The following DCDC2C variants were observed in gnomAD, a reference collection of about 807,000 sequenced individuals.
DCDC2C encodes the protein doublecortin domain-containing protein 2C.
In DCDC2C, 44 loss-of-function variants were observed where a neutral mutation model predicts 45.0. That is an observed-to-expected ratio of 0.98 (90% CI 0.77 to 1.26). The LOEUF (loss-of-function observed/expected upper bound fraction) is 1.26, where lower values mean the gene tolerates loss of function less well. Among genes scored for constraint, DCDC2C ranks in the 50% most tolerant of loss-of-function variants. The pLI, the probability that DCDC2C is intolerant of heterozygous loss-of-function variation, is 0.00. For missense variants in DCDC2C, 447 were observed against 468.9 expected (o/e 0.95, Z 0.43); for synonymous variants, 187 against 178.8 (o/e 1.05, Z -0.37).
chr2:3,840,319 T>C (rs1672181962), intron 10 of DCDC2C, among the ~76,000 whole-genome samples: 1 of 152,196 alleles, frequency 6.6e-6, no homozygotes, highest in Non-Finnish European at 1.5e-5. Context: ...CTAAATCTCA[T>C]ATAGAGCAGA....
In DCDC2C at chr2:3,831,200, AGTT is replaced by A. The variant is rs549400201; in HGVS notation, c.1066-15951_1066-15949del. ...GCCCTCTTCCAAATGATCCTAAAGA[AGTT>A]GTCACTGGATGCATTAAAATTGCCA... is the stretch of plus-strand genomic sequence containing the variant. On this transcript the variant is annotated intron_variant, in intron 10 of 10. Transcript: ENST00000399143. Among the ~76,000 whole-genome samples, 6 of 152,262 alleles carry A rather than the reference AGTT, an allele frequency of 3.9e-5. No individual in the cohort carries two copies. The South Asian group carries it at 1.2e-3, about 32-fold the overall frequency.
At chr2:3,825,095 C>T (rs568531193) in intron 10 of DCDC2C, among the ~76,000 whole-genome samples, 18 of 152,276 alleles carry the variant, frequency 1.2e-4, no homozygotes, top group Admixed American at 9.8e-4. Flanking sequence ...AGGTTTCCTG[C>T]GGCAGTGGGC....
Position 3,769,378 on chromosome 2 carries a change from G to A in DCDC2C, c.921G>A (p.Glu307=). ...ETQGALDVKE[E]HNVQLEVPVD... ...AAGGGGCGCTGGACGTCAAAGAGGA[G>A]CACAATGTGCAGCTGGAGGTGCCTG... is the stretch of plus-strand genomic sequence containing the variant. Residue 307 remains glutamate, a synonymous_variant, in exon 8 of 11, where the codon GAG becomes GAA. Transcript: ENST00000399143. 1 of 1,550,542 alleles carries A rather than the reference G, an allele frequency of 6.4e-7. No individual in the cohort carries two copies. The highest frequency in any genetic ancestry group is 1.2e-5 in the South Asian group (1 of 84,052).
At chr2:3,767,679 C>T in intron 6 of DCDC2C, 75 bp from the exon 7 acceptor site, 1 of 1,508,646 alleles carries the variant, frequency 6.6e-7, no homozygotes, top group African/African-American at 1.4e-5. Context: ...TTCCTGACCA[C>T]ACCCAGAGAA....
In DCDC2C at chr2:3,789,013, A is replaced by AT. The variant is rs559891829; in HGVS notation, c.1065+3924dup. Among the ~76,000 whole-genome samples the AT allele has an allele frequency of 6.4e-3, 947 of 148,090 alleles. 11 individuals are homozygous for AT. The highest frequency in any genetic ancestry group is 0.033 in the East Asian group (169 of 5,088). On this transcript the variant is annotated intron_variant, in intron 10 of 10. Coordinates refer to ENST00000399143, the MANE Select transcript of DCDC2C (RefSeq NM_001287444.2). ...GCACGTGTGCCGCCATACCCAGCTAATTTTTTTTTTTGTATTTTTAGTAGA... is the reference window on the plus strand; with the variant it reads ...GCACGTGTGCCGCCATACCCAGCTAATTTTTTTTTTTTGTATTTTTAGTAGA...
At chr2:3,757,477 T>A (rs1669752308) in intron 6 of DCDC2C, among the ~76,000 whole-genome samples, 1 of 152,122 alleles carries the variant, frequency 6.6e-6, no homozygotes, top group Non-Finnish European at 1.5e-5. Flanking sequence ...AAAAAGTACC[T>A]AGAATACAAA....
intron 10 of DCDC2C, among the ~76,000 whole-genome samples, chr2:3,816,938 G>A (rs778998837): frequency 9.9e-5 from 15 of 152,174 alleles, no homozygotes; most frequent in Admixed American, 2.0e-4. Context: ...TCTAAAAGGC[G>A]GACTAGCGGC....
intron 4 of DCDC2C, among the ~76,000 whole-genome samples, chr2:3,745,649 G>C (rs58654235): frequency 1.3e-5 from 2 of 152,244 alleles, no homozygotes; most frequent in East Asian, 3.9e-4. Context: ...TGTATTTATC[G>C]TTCCTTAGAT....
chr2:3,718,975 C>G (rs1668421229), intron 2 of DCDC2C, among the ~76,000 whole-genome samples: 1 of 152,196 alleles, frequency 6.6e-6, no homozygotes, highest in South Asian at 2.1e-4. Context: ...TTTTACAACC[C>G]TCTTGTAAGA....
At position 3,741,866 on chromosome 2, in the gene DCDC2C, G is replaced by A. The variant is rs1007863020; in HGVS notation, c.417-54G>A. 2.7e-6 allele frequency: 4 copies of A among 1,491,498 alleles called. No individual in the cohort carries two copies. The African/African-American group carries it at 5.7e-5, about 21-fold the overall frequency. The allele number at this position is 1,491,498 out of a possible 1,614,324, so 92.4% of individuals were successfully genotyped here. On this transcript the variant is annotated intron_variant, in intron 3 of 10. Coordinates refer to ENST00000399143, the MANE Select transcript of DCDC2C (RefSeq NM_001287444.2). ...ATTGTATATATATTGAATTTTCAAT[G>A]TTTCCCCCTCAAACTTAAGGTATTA...
chr2:3,758,011 T>C (rs1558212603), intron 6 of DCDC2C, among the ~76,000 whole-genome samples: 1 of 152,130 alleles, frequency 6.6e-6, no homozygotes, highest in Non-Finnish European at 1.5e-5. Flanking sequence ...TTTGCAGGGA[T>C]CCAGATTTAA....
At chr2:3,719,342 C>T (rs1271331397) in intron 2 of DCDC2C, among the ~76,000 whole-genome samples, 2 of 152,214 alleles carry the variant, frequency 1.3e-5, no homozygotes, top group Admixed American at 1.3e-4. Flanking sequence ...GCCTTGGCCT[C>T]CCAAAGTGCT....
In DCDC2C at chr2:3,781,711, AT is replaced by A. The variant is rs538801530; in HGVS notation, c.1023+2828del. Among the ~76,000 whole-genome samples the A allele has an allele frequency of 1.4e-3, 210 of 152,236 alleles. 1 individual carries two copies. The highest frequency in any genetic ancestry group is 4.8e-3 in the African/African-American group (199 of 41,550). ...CCTGTTTCTACAAAAAATTAGTGAA[AT>A]AAAAAAAGGTAGCCAGGTGCAGTGG... On this transcript the variant is annotated intron_variant, in intron 9 of 10. Coordinates refer to ENST00000399143, the MANE Select transcript of DCDC2C (RefSeq NM_001287444.2).
At chr2:3,741,695 A>ACCCCCCCCCC (rs1669212785) in intron 3 of DCDC2C, among the ~76,000 whole-genome samples, 2 of 151,344 alleles carry the variant, frequency 1.3e-5, no homozygotes, top group African/African-American at 4.9e-5. Flanking sequence ...AAGCACACAT[A>ACCCCCCCCCC]CACACACACA....
At chr2:3,736,357 G>T (rs1669025926) in intron 3 of DCDC2C, among the ~76,000 whole-genome samples, 1 of 152,200 alleles carries the variant, frequency 6.6e-6, no homozygotes, top group African/African-American at 2.4e-5. Context: ...ACCCACCCCT[G>T]GTGAAGGTGG....
At chr2:3,814,406 A>G (rs1398321861) in intron 10 of DCDC2C, among the ~76,000 whole-genome samples, 6 of 152,120 alleles carry the variant, frequency 3.9e-5, no homozygotes, top group African/African-American at 1.4e-4. Flanking sequence ...TGGTTATTTT[A>G]GTTAGCAATT....
chr2:3,822,640 T>C (rs2148225602), intron 10 of DCDC2C, among the ~76,000 whole-genome samples: 2 of 152,238 alleles, frequency 1.3e-5, no homozygotes, highest in East Asian at 3.9e-4. Flanking sequence ...CTAATCTTTA[T>C]TATTTTTTCC....
chr2:3,822,291 TCTTTA>T (rs1671708966), intron 10 of DCDC2C, among the ~76,000 whole-genome samples: 1 of 152,226 alleles, frequency 6.6e-6, no homozygotes, highest in Non-Finnish European at 1.5e-5. Context: ...TAATTCAGTC[TCTTTA>T]CTTGTTATAG....
intron 10 of DCDC2C, among the ~76,000 whole-genome samples, chr2:3,836,243 T>C (rs187450508): frequency 9.8e-4 from 149 of 152,296 alleles, no homozygotes; most frequent in Non-Finnish European, 1.7e-3. Context: ...AGTCTGTTTA[T>C]GACACGATAT....
Sources: gnomAD v4.1 joint callset for allele counts (sites outside exome capture counted in the v4.1 genomes callset) on GRCh38, gnomAD v4.1.1 for gene constraint, MANE v1.5 for transcripts, NCBI Gene and HGNC (gene_info 2026-07-23, HGNC 2026-07-21) for gene names.